MT1A: variants seen among roughly 807,000 people sequenced by gnomAD.
MT1A encodes the protein metallothionein 1A.
MT1A carries 6 observed loss-of-function variants against 5.5 expected under a neutral mutation model. The observed-to-expected ratio is 1.09, with a 90% CI of 0.60 to 2.16. The LOEUF (loss-of-function observed/expected upper bound fraction) is 2.16. Among genes scored for constraint, MT1A ranks in the 30% most tolerant of loss-of-function variants. MT1A has a pLI of 0.00. For missense variants in MT1A, 69 were observed against 73.4 expected, an observed-to-expected ratio of 0.94 and a Z score of 0.22; for synonymous variants, 23 against 24.8, an observed-to-expected ratio of 0.93 and a Z score of 0.21.
intron 1 of MT1A, 145 bp from the exon 2 acceptor site, chr16:56,639,119 A>G: frequency 2.0e-6 from 2 of 998,570 alleles, no homozygotes; most frequent in Non-Finnish European, 3.0e-6. Context: ...GCCTCTACAG[A>G]TAGAAGTAAG....
Position 56,639,879 on chromosome 16 carries a change from A to G in MT1A, c.115A>G (p.Met39Val). The change falls in exon 3 of 3, where the codon ATG (methionine) becomes GTG (valine). Residue 39 changes from methionine (M) to valine (V), a missense_variant. Physicochemically the swap from Met to Val is conservative, Grantham distance 21. Coordinates refer to ENST00000290705, the MANE Select transcript of MT1A (RefSeq NM_005946.3). The part of the protein sequence containing the change: ...CKKSCCSCCP[M>V]SCAKCAQGCI... ...CCCAGGCTGCTGCTCCTGCTGCCCC[A>G]TGAGCTGTGCCAAGTGTGCCCAGGG... 1 of 1,614,154 alleles carries G rather than the reference A, an allele frequency of 6.2e-7. No individual in the cohort carries two copies.
chr16:56,639,735 G>A, intron 2 of MT1A, 124 bp from the exon 3 acceptor site: 1 of 1,291,558 alleles, frequency 7.7e-7, no homozygotes, highest in East Asian at 2.3e-5. Flanking sequence ...ATCTCCGACA[G>A]TGCATGCCAT....
In MT1A at chr16:56,640,058, T is replaced by C; in HGVS notation, c.*108T>C. On this transcript the variant is annotated 3_prime_UTR_variant, in exon 3 of 3. Coordinates refer to ENST00000290705, the MANE Select transcript of MT1A (RefSeq NM_005946.3). The stretch of plus-strand genomic sequence containing the variant: ...TTACTGTATTTTTTTTAATGAAATA[T>C]GTGAATGATAATAAAAGTTGCTGAC... 2 of 1,398,734 alleles carry C rather than the reference T, an allele frequency of 1.4e-6. No individual in the cohort carries two copies. The highest frequency in any genetic ancestry group is 2.5e-5 in the East Asian group (1 of 40,628). The allele number at this position is 1,398,734 out of a possible 1,614,324, so 86.6% of individuals were successfully genotyped here.
intron 1 of MT1A, 84 bp from the exon 2 acceptor site, chr16:56,639,180 G>A (rs1434524981): frequency 3.4e-6 from 5 of 1,477,882 alleles, no homozygotes; most frequent in Non-Finnish European, 4.7e-6. Flanking sequence ...ATCAGGCCTG[G>A]CAATGCACTC....
intron 2 of MT1A, among the ~76,000 whole-genome samples, chr16:56,639,585 G>A (rs113374889): frequency 1.3e-4 from 20 of 152,224 alleles, no homozygotes; most frequent in African/African-American, 4.8e-4. Context: ...CCCTAAGTGT[G>A]TGGTTCTGGG....
intron 1 of MT1A, 77 bp from the exon 2 acceptor site, chr16:56,639,187 A>G: frequency 1.3e-6 from 2 of 1,527,326 alleles, no homozygotes; most frequent in Admixed American, 1.7e-5. Flanking sequence ...CTGGCAATGC[A>G]CTCAGCTGGC....
Position 56,640,050 on chromosome 16 carries a change from A to G in MT1A, c.*100A>G. 3 of 1,436,524 alleles carry G rather than the reference A, an allele frequency of 2.1e-6. No homozygotes were observed. The highest frequency in any genetic ancestry group is 1.9e-6 in the Non-Finnish European group (2 of 1,066,660). The allele number at this position is 1,436,524 out of a possible 1,614,324, so 89.0% of individuals were successfully genotyped here. On this transcript the variant is annotated 3_prime_UTR_variant, in exon 3 of 3. Coordinates refer to ENST00000290705, the MANE Select transcript of MT1A (RefSeq NM_005946.3). ...TGACCCATTTACTGTATTTTTTTTA[A>G]TGAAATATGTGAATGATAATAAAAG...
At chr16:56,639,725 A>T in intron 2 of MT1A, 134 bp from the exon 3 acceptor site, 1 of 1,191,600 alleles carries the variant, frequency 8.4e-7, no homozygotes, top group Non-Finnish European at 1.2e-6. Flanking sequence ...CTTATCTCCC[A>T]TCTCCGACAG....
In MT1A at chr16:56,640,065, GATAATAAAA is replaced by G; in HGVS notation, c.*116_*124del. The G allele has an allele frequency of 1.5e-6, 2 of 1,364,524 alleles. No individual in the cohort carries two copies. Among genetic ancestry groups the G allele is most frequent in the Non-Finnish European group, 2.0e-6 (2 of 1,016,584 alleles). 84.5% of individuals were successfully genotyped at this position (1,364,524 alleles called of 1,614,324 possible). ...ATTTTTTTTAATGAAATATGTGAAT[GATAATAAAA>G]GTTGCTGACTTAATGCTGGCTCTGG... On this transcript the variant is annotated 3_prime_UTR_variant, in exon 3 of 3. Coordinates refer to ENST00000290705, the MANE Select transcript of MT1A (RefSeq NM_005946.3).
chr16:56,639,745 T>A, intron 2 of MT1A, 114 bp from the exon 3 acceptor site: 6 of 1,384,114 alleles, frequency 4.3e-6, no homozygotes, highest in Non-Finnish European at 2.0e-6. Context: ...GTGCATGCCA[T>A]CCTGAACTAA....
chr16:56,639,947 C>G lies in MT1A; in HGVS notation c.183C>G (p.Ala61=), dbSNP rs1392093875. ...CATCAGAGAAGTGCAGCTGCTGTGC[C>G]TGATGTCCGGACAGCCCTGCTCGAA... ...KGASEKCSCC[A] Residue 61 remains alanine (A), a synonymous_variant, in exon 3 of 3, where the codon GCC becomes GCG. Coordinates refer to ENST00000290705, the MANE Select transcript of MT1A (RefSeq NM_005946.3). The G allele has an allele frequency of 3.7e-6, 6 of 1,614,202 alleles. No homozygotes were observed. Among genetic ancestry groups the G allele is most frequent in the Non-Finnish European group, 5.1e-6 (6 of 1,180,018 alleles).
chr16:56,638,869 T>A (rs1453571942), intron 1 of MT1A, 103 bp downstream of exon 1: 3 of 1,337,166 alleles, frequency 2.2e-6, no homozygotes, highest in Non-Finnish European at 3.2e-6. Flanking sequence ...CTAAGTGGAG[T>A]CATTTATTTC....
At chr16:56,638,985 G>T (rs907814188) in intron 1 of MT1A, among the ~76,000 whole-genome samples, 3 of 152,124 alleles carry the variant, frequency 2.0e-5, no homozygotes, top group Non-Finnish European at 4.4e-5. Flanking sequence ...TAATTCTCCT[G>T]CTCCATGTCA....
Position 56,640,022 on chromosome 16 carries a change from C to T in MT1A, c.*72C>T. 2 of 1,560,090 alleles carry T rather than the reference C, an allele frequency of 1.3e-6. No individual in the cohort carries two copies. Among genetic ancestry groups the T allele is most frequent in the Non-Finnish European group, 8.7e-7 (1 of 1,146,274 alleles). ...AACTTGGAATTTTTTTTCCATACAA[C>T]CCTGACCCATTTACTGTATTTTTTT... On this transcript the variant is annotated 3_prime_UTR_variant, in exon 3 of 3. Transcript: ENST00000290705.
chr16:56,638,722 C>T lies in MT1A; in HGVS notation c.-17C>T. ...TCAACTTCTTGCTTGGGATCTCCAA[C>T]CTCACCGCGGCTCGAAATGGACCCC... On this transcript the variant is annotated 5_prime_UTR_variant, in exon 1 of 3. Coordinates refer to ENST00000290705, the MANE Select transcript of MT1A (RefSeq NM_005946.3). The T allele has an allele frequency of 6.2e-7, 1 of 1,614,178 alleles. No homozygotes were observed.
At chr16:56,639,577 C>T (rs1960418205) in intron 2 of MT1A, among the ~76,000 whole-genome samples, 1 of 152,248 alleles carries the variant, frequency 6.6e-6, no homozygotes, top group African/African-American at 2.4e-5. Context: ...CTTTCCTCCC[C>T]TAAGTGTGTG....
chr16:56,639,647 T>C (rs1400355341), intron 2 of MT1A, among the ~76,000 whole-genome samples: 3 of 152,218 alleles, frequency 2.0e-5, no homozygotes, highest in African/African-American at 7.2e-5. Flanking sequence ...TTTCCAGCCT[T>C]CTGCCAGGTC....
chr16:56,639,702 G>A (rs745328637), intron 2 of MT1A, among the ~76,000 whole-genome samples, 157 bp from the exon 3 acceptor site: 2 of 152,144 alleles, frequency 1.3e-5, no homozygotes, highest in South Asian at 2.1e-4. Context: ...ACCCTCACTC[G>A]AAAGATCCAC....
Position 56,639,970 on chromosome 16 carries a change from G to C in MT1A, c.*20G>C. ...GCCTGATGTCCGGACAGCCCTGCTCGAAGATATAGAAAGAGTGACCTGCAC... is the reference window on the plus strand; with the variant it reads ...GCCTGATGTCCGGACAGCCCTGCTCCAAGATATAGAAAGAGTGACCTGCAC... On this transcript the variant is annotated 3_prime_UTR_variant, in exon 3 of 3. Transcript: ENST00000290705. 1 of 1,613,548 alleles carries C rather than the reference G, an allele frequency of 6.2e-7. No homozygotes were observed.
Sources: allele counts gnomAD v4.1 joint callset (sites outside exome capture counted in the v4.1 genomes callset), GRCh38; gene constraint gnomAD v4.1.1; transcripts MANE v1.5; gene names NCBI Gene and HGNC (gene_info 2026-07-23, HGNC 2026-07-21).